BMPR1B: variants seen among roughly 807,000 people sequenced by gnomAD.
BMPR1B encodes the protein bone morphogenetic protein receptor type 1B.
A neutral mutation model predicts 59.1 loss-of-function variants in BMPR1B; 12 were observed. The observed-to-expected ratio is 0.20, with a 90% CI of 0.13 to 0.33. The LOEUF is 0.33. BMPR1B is among the 10% of genes least tolerant of loss of function. The pLI is 1.00. For missense variants in BMPR1B, 550 were observed against 610.9 expected (o/e 0.90, Z 1.05); for synonymous variants, 237 against 207.3 (o/e 1.14, Z -1.23).
intron 2 of BMPR1B, among the ~76,000 whole-genome samples, chr4:94,977,107 C>T (rs536763509): frequency 6.6e-6 from 1 of 152,098 alleles, no homozygotes; most frequent in Non-Finnish European, 1.5e-5. Context: ...TATAATCTAC[C>T]CCATTAGCAA....
At position 95,116,421 on chromosome 4, in the gene BMPR1B, G is replaced by GCGCACACACACACA; in HGVS notation, c.349+635_349+636insGCACACACACACAC. ...CTCCTCCTCCATGCTTTCAGCGCGC[G>GCGCACACACACACA]CACACACACACACACACACACACAC... On this transcript the variant is annotated intron_variant, in intron 6 of 12. Coordinates refer to ENST00000515059, the MANE Select transcript of BMPR1B (RefSeq NM_001203.3). Among the ~76,000 whole-genome samples the GCGCACACACACACA allele has an allele frequency of 3.2e-3, 390 of 123,220 alleles. 3 individuals are homozygous for GCGCACACACACACA. The highest frequency in any genetic ancestry group is 0.01 in the African/African-American group (279 of 27,832). The allele number at this position is 123,220 out of a possible 152,430, so 80.8% of individuals were successfully genotyped here. A position where few individuals can be genotyped will look rare whatever the true frequency, so the allele number is the denominator to read the frequency against.
intron 2 of BMPR1B, among the ~76,000 whole-genome samples, chr4:94,971,188 TA>T (rs1201004677): frequency 6.6e-6 from 1 of 152,116 alleles, no homozygotes; most frequent in Non-Finnish European, 1.5e-5. Flanking sequence ...ATACGATAAA[TA>T]AAAACAACTT....
intron 3 of BMPR1B, among the ~76,000 whole-genome samples, chr4:95,029,870 T>C (rs528938358): frequency 6.6e-6 from 1 of 152,378 alleles, no homozygotes; most frequent in South Asian, 2.1e-4. Flanking sequence ...GGCCTAGTGA[T>C]GATGAGCATT....
chr4:95,038,365 T>C (rs1267478045), intron 3 of BMPR1B, among the ~76,000 whole-genome samples: 1 of 152,170 alleles, frequency 6.6e-6, no homozygotes, highest in Non-Finnish European at 1.5e-5. Flanking sequence ...GGCAACTCTC[T>C]TATATTTTCT....
intron 3 of BMPR1B, among the ~76,000 whole-genome samples, chr4:95,096,758 T>TATATAC (rs1730416874): frequency 2.9e-5 from 4 of 138,182 alleles, no homozygotes; most frequent in Non-Finnish European, 4.6e-5. Flanking sequence ...TATATAGTTA[T>TATATAC]ATATAACTAT....
intron 2 of BMPR1B, among the ~76,000 whole-genome samples, chr4:94,962,352 G>GACCCATGACCTCAA (rs1730402854): frequency 3.3e-5 from 5 of 152,158 alleles, no homozygotes; most frequent in African/African-American, 9.6e-5. Context: ...TGGCCAGGCT[G>GACCCATGACCTCAA]GTCTTGAACC....
At chr4:94,768,976 G>A (rs1722073193) in intron 1 of BMPR1B, among the ~76,000 whole-genome samples, 1 of 151,844 alleles carries the variant, frequency 6.6e-6, no homozygotes, top group Non-Finnish European at 1.5e-5. Flanking sequence ...AATTATACAG[G>A]TTTTCATCAA....
chr4:94,930,755 A>G (rs1729067760), intron 2 of BMPR1B, among the ~76,000 whole-genome samples: 1 of 152,154 alleles, frequency 6.6e-6, no homozygotes. Context: ...TCAAGTAGGA[A>G]GTAATTAAAT....
chr4:94,789,382 A>C (rs1042417419), intron 1 of BMPR1B, among the ~76,000 whole-genome samples: 1 of 152,186 alleles, frequency 6.6e-6, no homozygotes, highest in South Asian at 2.1e-4. Context: ...GTCAACTTCC[A>C]GTGGTTTGGC....
chr4:95,026,551 G>A (rs1468226955), intron 3 of BMPR1B, among the ~76,000 whole-genome samples: 1 of 151,964 alleles, frequency 6.6e-6, no homozygotes, highest in African/African-American at 2.4e-5. Context: ...TTCCCTTAAT[G>A]TTTAAATTAT....
chr4:94,818,958 C>T (rs909881061), intron 1 of BMPR1B, among the ~76,000 whole-genome samples: 1 of 151,840 alleles, frequency 6.6e-6, no homozygotes, highest in Non-Finnish European at 1.5e-5. Flanking sequence ...ATGGCAAGAT[C>T]CCAACTCTAG....
rs1735296216 is a variant in BMPR1B, at chr4:95,154,798, G to T, written c.*125G>T. The T allele has an allele frequency of 7.1e-7, 1 of 1,408,022 alleles. No homozygotes were observed. Among genetic ancestry groups the T allele is most frequent in the East Asian group, 2.3e-5 (1 of 42,706 alleles). 87.2% of individuals were successfully genotyped at this position (1,408,022 alleles called of 1,614,324 possible). ...TTGAACATCGTCCTGCTTCCCAGTGGGTTCAGACCTCACCTCTCAGGGAGC... is the reference window on the plus strand; with the variant it reads ...TTGAACATCGTCCTGCTTCCCAGTGTGTTCAGACCTCACCTCTCAGGGAGC... On this transcript the variant is annotated 3_prime_UTR_variant, in exon 13 of 13. Transcript: ENST00000515059.
At chr4:95,043,177 G>A (rs1725784790) in intron 3 of BMPR1B, among the ~76,000 whole-genome samples, 1 of 66,292 alleles carries the variant, frequency 1.5e-5, no homozygotes, top group South Asian at 7.2e-4. Context: ...GCGAGACTCC[G>A]TCTCAAAAAA....
chr4:94,862,309 C>T (rs908153352), intron 1 of BMPR1B, among the ~76,000 whole-genome samples: 8 of 151,530 alleles, frequency 5.3e-5, no homozygotes, highest in African/African-American at 1.7e-4. Context: ...GCCACCATGC[C>T]CGGCTAATTT....
intron 1 of BMPR1B, among the ~76,000 whole-genome samples, chr4:94,835,464 G>A (rs184724905): frequency 2.0e-5 from 3 of 152,252 alleles, no homozygotes; most frequent in Admixed American, 2.0e-4. Flanking sequence ...TTTTCTTAAA[G>A]GAATCCATTT....
At chr4:95,130,196 C>T in intron 9 of BMPR1B, 142 bp downstream of exon 9, 1 of 999,500 alleles carries the variant, frequency 1.0e-6, no homozygotes, top group Non-Finnish European at 1.5e-6. Context: ...CCAAGAACAT[C>T]ATAAGTTTCT....
chr4:94,862,352 T>C (rs1046543378), intron 1 of BMPR1B, among the ~76,000 whole-genome samples: 2 of 151,728 alleles, frequency 1.3e-5, no homozygotes, highest in African/African-American at 4.8e-5. Flanking sequence ...GGTTTCACCA[T>C]GTTGGCCAGG....
At chr4:94,767,955 A>G (rs1317242020) in intron 1 of BMPR1B, among the ~76,000 whole-genome samples, 3 of 152,076 alleles carry the variant, frequency 2.0e-5, no homozygotes, top group Non-Finnish European at 2.9e-5. Context: ...TCTGTGAAGT[A>G]TGTTAAGACT....
intron 6 of BMPR1B, among the ~76,000 whole-genome samples, chr4:95,118,684 A>T (rs1732249703): frequency 6.6e-6 from 1 of 152,182 alleles, no homozygotes; most frequent in Non-Finnish European, 1.5e-5. Flanking sequence ...TCTTTTCCTG[A>T]TAGGTATCTG....
Sources: allele counts gnomAD v4.1 joint callset (sites outside exome capture counted in the v4.1 genomes callset), GRCh38; gene constraint gnomAD v4.1.1; transcripts MANE v1.5; gene names NCBI Gene and HGNC (gene_info 2026-07-23, HGNC 2026-07-21).